SLC12A1: variants seen among roughly 807,000 people sequenced by gnomAD.
SLC12A1 encodes Na-K-2Cl cotransporter.
In SLC12A1, 89 loss-of-function variants were observed where a neutral mutation model predicts 130.4. The ratio of observed to expected loss-of-function variants is 0.68; its 90% CI spans 0.58 to 0.81. The LOEUF (loss-of-function observed/expected upper bound fraction) is 0.81, where lower values mean the gene tolerates loss of function less well. SLC12A1 is among the 40% of genes least tolerant of loss of function. The pLI is 0.00. For missense variants in SLC12A1, 1,310 were observed against 1,336.4 expected (o/e 0.98, Z 0.31); for synonymous variants, 499 against 460.0 (o/e 1.08, Z -1.09).
At chr15:48,295,561 C>T (rs531738013) in intron 24 of SLC12A1, among the ~76,000 whole-genome samples, 1 of 152,250 alleles carries the variant, frequency 6.6e-6, no homozygotes, top group South Asian at 2.1e-4. Flanking sequence ...TGATGTCCAC[C>T]ATGTTAATTT....
chr15:48,292,499 G>T (rs2042132058), intron 24 of SLC12A1, among the ~76,000 whole-genome samples: 1 of 152,130 alleles, frequency 6.6e-6, no homozygotes, highest in Non-Finnish European at 1.5e-5. Flanking sequence ...CTCATTAATT[G>T]TTATATTTAT....
chr15:48,255,322 C>T (rs1313536524), intron 15 of SLC12A1, among the ~76,000 whole-genome samples: 1 of 151,740 alleles, frequency 6.6e-6, no homozygotes. Context: ...CCTGTAGTCA[C>T]AGCTACTCAG....
At chr15:48,227,025 C>T in intron 5 of SLC12A1, 6 of 1,170,186 alleles carry the variant, frequency 5.1e-6, no homozygotes, top group Non-Finnish European at 7.5e-6. Flanking sequence ...TCCTGAAGTA[C>T]TGGTGACTTC....
rs757324129 is a variant in SLC12A1 at position 48,301,302 on chromosome 15, A to C, written c.3097-13A>C. The C allele has an allele frequency of 3.8e-6, 6 of 1,586,166 alleles. No homozygotes were observed. The South Asian group carries it at 6.9e-5, about 18-fold the overall frequency. ...GTAGAACTGTACTCAACAAATCTGA[A>C]TGTTGCCCACAGAGTTACCGCCAAG... On this transcript the variant is annotated splice_polypyrimidine_tract_variant and intron_variant, in intron 25 of 26. Transcript: ENST00000380993.
intron 5 of SLC12A1, chr15:48,227,275 C>G: frequency 1.1e-6 from 1 of 913,348 alleles, no homozygotes; most frequent in Non-Finnish European, 1.7e-6. Flanking sequence ...TAATTAGTCC[C>G]CAGTGTCCTA....
rs779865233 is a variant in SLC12A1, at chr15:48,244,889, G to A, written c.1437G>A (p.Leu479=). Residue 479 remains leucine (L), a synonymous_variant, in exon 11 of 27, where the codon CTG becomes CTA. Coordinates refer to ENST00000380993, the MANE Select transcript of SLC12A1 (RefSeq NM_000338.3). ...GACATGAACCATGTCAGTACGGGCTGATGAACAATTTCCAGGTTTGAAGCA... is the reference window on the plus strand; with the variant it reads ...GACATGAACCATGTCAGTACGGGCTAATGAACAATTTCCAGGTTTGAAGCA... ...RCRHEPCQYG[L]MNNFQVMSMV... is the part of the protein sequence containing the mutation. The A allele has an allele frequency of 5.0e-6, 8 of 1,613,460 alleles. No homozygotes were observed. The African/African-American group carries it at 1.1e-4, about 22-fold the overall frequency.
chr15:48,259,227 A>C lies in SLC12A1; in HGVS notation c.2070A>C (p.Gly690=), dbSNP rs1172338659. The C allele has an allele frequency of 1.9e-6, 3 of 1,612,792 alleles. No homozygotes were observed. The highest frequency in any genetic ancestry group is 2.5e-6 in the Non-Finnish European group (3 of 1,179,126). ...FRPQCIVLTG[G]PMTRPALLDI... is the part of the protein sequence containing the mutation. The stretch of plus-strand genomic sequence containing the variant: ...CCCAGTGCATTGTCTTAACAGGGGG[A>C]CCCATGACAAGACCTGCTCTCCTGG... The change falls in exon 17 of 27, where the codon GGA becomes GGC. Residue 690 remains glycine (G), a synonymous_variant. Coordinates refer to ENST00000380993, the MANE Select transcript of SLC12A1 (RefSeq NM_000338.3).
chr15:48,237,724 C>T (rs2041455426), intron 9 of SLC12A1, among the ~76,000 whole-genome samples: 1 of 152,146 alleles, frequency 6.6e-6, no homozygotes, highest in African/African-American at 2.4e-5. Flanking sequence ...ACTCAGGGGT[C>T]CTTTTAACTA....
chr15:48,226,699 T>C (rs2041292879), intron 5 of SLC12A1, 128 bp downstream of exon 5: 4 of 680,590 alleles, frequency 5.9e-6, no homozygotes, highest in Admixed American at 5.5e-5. Flanking sequence ...TTGGAGGAGC[T>C]GGATGCCAAA....
At chr15:48,247,834 A>T (rs1313900587) in intron 13 of SLC12A1, among the ~76,000 whole-genome samples, 1 of 152,214 alleles carries the variant, frequency 6.6e-6, no homozygotes, top group Non-Finnish European at 1.5e-5. Context: ...TCCACTGACC[A>T]TCTATATCGC....
rs1175659978 is a variant in SLC12A1, at chr15:48,267,612, C to A, written c.2206C>A (p.Gln736Lys). ...GATGAACAGTGGCATGGCGAAAAAA[C>A]AGGCCTGGCTTATAAAGAACAAAAT... ...KEMNSGMAKK[Q>K]AWLIKNKIKA... is the part of the protein sequence containing the mutation. Residue 736 changes from glutamine (Q) to lysine (K), a missense_variant, in exon 18 of 27, where the codon CAG becomes AAG. Gln to Lys is a moderately conservative substitution (Grantham distance 53, BLOSUM62 1). Transcript: ENST00000380993. The A allele has an allele frequency of 6.2e-7, 1 of 1,613,604 alleles. No individual in the cohort carries two copies. Among genetic ancestry groups the A allele is most frequent in the Non-Finnish European group, 8.5e-7 (1 of 1,179,612 alleles).
intron 20 of SLC12A1, among the ~76,000 whole-genome samples, chr15:48,279,124 C>T (rs970823808): frequency 6.6e-6 from 1 of 152,170 alleles, no homozygotes; most frequent in African/African-American, 2.4e-5. Flanking sequence ...CGCAGAAAAA[C>T]AACATGATAG....
chr15:48,245,785 A>G (rs2041572358), intron 11 of SLC12A1, among the ~76,000 whole-genome samples: 1 of 152,206 alleles, frequency 6.6e-6, no homozygotes, highest in Non-Finnish European at 1.5e-5. Context: ...ATATATACCC[A>G]GTAAAGAGAT....
Position 48,285,181 on chromosome 15 carries a change from G to A in SLC12A1, c.2561G>A (p.Ser854Asn). The A allele has an allele frequency of 1.2e-6, 2 of 1,613,866 alleles. No individual in the cohort carries two copies. Among genetic ancestry groups the A allele is most frequent in the Non-Finnish European group, 1.7e-6 (2 of 1,179,772 alleles). ...AAAGATAATGAGTGTGAAGAGGAAA[G>A]TGGAGGCATCCGAGGCTTGTTTAAA... ...TIKDNECEEESGGIRGLFKKA... is the reference protein window; with the variant it reads ...TIKDNECEEENGGIRGLFKKA... Residue 854 changes from serine to asparagine, a missense_variant, in exon 21 of 27, where the codon AGT (serine) becomes AAT (asparagine). Physicochemically the swap from Ser to Asn is conservative, Grantham distance 46 (BLOSUM62 1). Transcript: ENST00000380993.
chr15:48,251,282 C>A (rs894344986), intron 14 of SLC12A1, among the ~76,000 whole-genome samples: 3 of 151,756 alleles, frequency 2.0e-5, no homozygotes, highest in African/African-American at 4.8e-5. Flanking sequence ...ATTCCTCCTG[C>A]CTCTTTTCAG....
intron 10 of SLC12A1, among the ~76,000 whole-genome samples, chr15:48,242,051 G>C (rs909827062): frequency 6.6e-6 from 1 of 152,170 alleles, no homozygotes; most frequent in Non-Finnish European, 1.5e-5. Flanking sequence ...TCCTTGTACT[G>C]CTATCCTTAA....
At chr15:48,206,396 A>C (rs1444215014) in intron 1 of SLC12A1, 66 bp downstream of exon 1, 1 of 152,202 alleles carries the variant, frequency 6.6e-6, no homozygotes, top group Non-Finnish European at 1.5e-5. Flanking sequence ...GTAGATTCTG[A>C]GGAGTAGGTG....
chr15:48,274,453 A>T, intron 19 of SLC12A1, 118 bp from the exon 20 acceptor site: 1 of 715,668 alleles, frequency 1.4e-6, no homozygotes, highest in South Asian at 1.5e-5. Context: ...GCTATATTCT[A>T]AGGTGGATTT....
chr15:48,208,362 T>C (rs1331141857), intron 2 of SLC12A1, among the ~76,000 whole-genome samples: 3 of 152,100 alleles, frequency 2.0e-5, no homozygotes, highest in Admixed American at 2.0e-4. Flanking sequence ...TCTTGCTCTG[T>C]CACCCAGCCT....
Sources: gnomAD v4.1 joint callset for allele counts (sites outside exome capture counted in the v4.1 genomes callset) on GRCh38, gnomAD v4.1.1 for gene constraint, MANE v1.5 for transcripts, NCBI Gene and HGNC (gene_info 2026-07-23, HGNC 2026-07-21) for gene names.